The following REM1 variants were observed in gnomAD, a reference collection of about 807,000 sequenced individuals.
REM1 encodes GTP-binding protein REM 1.
In REM1, 20 loss-of-function variants were observed where a neutral mutation model predicts 27.0. The ratio of observed to expected loss-of-function variants is 0.74; its 90% CI spans 0.52 to 1.08. The LOEUF (loss-of-function observed/expected upper bound fraction) is 1.08, where lower values mean the gene tolerates loss of function less well. Ranked by LOEUF, REM1 falls within the 50% of genes least tolerant of loss-of-function variation. The probability of loss-of-function intolerance (pLI) is 0.00; values close to 1 mark genes in which losing one functional copy is unlikely to be tolerated. For synonymous variants in REM1, 159 were observed against 167.9 expected (o/e 0.95, Z 0.41); for missense variants, 405 against 407.0 (o/e 1.00, Z 0.04).
chr20:31,484,312 G>A lies in REM1; in HGVS notation c.779G>A (p.Arg260Gln), dbSNP rs1191002584. Residue 260 changes from arginine (R) to glutamine (Q), a missense_variant, in exon 5 of 5, where the codon CGG becomes CAG. Physicochemically the swap from Arg to Gln is conservative, Grantham distance 43. Transcript: ENST00000201979. ...GCCAAGGAACCCCCAGCACCCCGAC[G>A]GCCGGCCAGCCTAGCCCAGCGCGCT... is the stretch of plus-strand genomic sequence containing the variant. Reference protein sequence around the residue: ...SAAKEPPAPRRPASLAQRARR... With the variant: ...SAAKEPPAPRQPASLAQRARR... 1.3e-6 allele frequency: 2 copies of A among 1,577,426 alleles called. No individual in the cohort carries two copies. Among genetic ancestry groups the A allele is most frequent in the Non-Finnish European group, 1.7e-6 (2 of 1,162,712 alleles).
Position 31,476,801 on chromosome 20 carries a change from G to T in REM1, c.340+16G>T. ...CAGCTGGGAGGTAGGGGCCATATGG[G>T]CTGGGCTGGGATGTGGCCAAAGGAG... On this transcript the variant is annotated intron_variant, in intron 2 of 4. Transcript: ENST00000201979. 6.3e-7 allele frequency: 1 copy of T among 1,587,166 alleles called. No homozygotes were observed. Among genetic ancestry groups the T allele is most frequent in the Non-Finnish European group, 8.6e-7 (1 of 1,167,374 alleles).
Position 31,484,530 on chromosome 20 carries a change from C to T in REM1, c.*100C>T. ...AGGCGCCGTTACCTGGAGTCTGCAT[C>T]ATGGGTCTTGCTTGCCTGCTGCCCT... On this transcript the variant is annotated 3_prime_UTR_variant, in exon 5 of 5. Coordinates refer to ENST00000201979, the MANE Select transcript of REM1 (RefSeq NM_014012.6). The T allele has an allele frequency of 7.3e-7, 1 of 1,360,594 alleles. No homozygotes were observed. Among genetic ancestry groups the T allele is most frequent in the Non-Finnish European group, 9.6e-7 (1 of 1,037,734 alleles). 84.3% of individuals were successfully genotyped at this position (1,360,594 alleles called of 1,614,324 possible). A position where few individuals can be genotyped will look rare whatever the true frequency, so the allele number is the denominator to read the frequency against.
chr20:31,477,976 C>G (rs1435449557), intron 3 of REM1, 66 bp downstream of exon 3: 4 of 1,002,392 alleles, frequency 4.0e-6, no homozygotes, highest in Non-Finnish European at 6.2e-6. Context: ...CCTTCCTGTC[C>G]CCTCCTGGGG....
At chr20:31,478,124 A>G (rs1980591201) in intron 3 of REM1, among the ~76,000 whole-genome samples, 1 of 151,890 alleles carries the variant, frequency 6.6e-6, no homozygotes. Flanking sequence ...ATCCCCTCCT[A>G]GCAGCCATCT....
intron 4 of REM1, among the ~76,000 whole-genome samples, chr20:31,482,852 G>A (rs537734146): frequency 3.0e-4 from 46 of 152,296 alleles, no homozygotes; most frequent in Middle Eastern, 3.4e-3. Context: ...CCTGTATGTG[G>A]TGGGGCATGG....
chr20:31,482,766 T>A, intron 4 of REM1, among the ~76,000 whole-genome samples: 1 of 152,190 alleles, frequency 6.6e-6, no homozygotes, highest in East Asian at 1.9e-4. Context: ...CCAGTCCTCC[T>A]GCTTCTCAAT....
intron 3 of REM1, among the ~76,000 whole-genome samples, chr20:31,481,763 T>A (rs1210088351): frequency 6.6e-6 from 1 of 152,248 alleles, no homozygotes; most frequent in East Asian, 1.9e-4. Flanking sequence ...CTTGACTGTC[T>A]CATCCCCTTG....
At chr20:31,480,270 CAT>C (rs1568762934) in intron 3 of REM1, among the ~76,000 whole-genome samples, 59 of 138,380 alleles carry the variant, frequency 4.3e-4, no homozygotes, top group Middle Eastern at 3.8e-3. Context: ...TACATACATA[CAT>C]ACATACATAC....
chr20:31,476,633 C>G lies in REM1; in HGVS notation c.188C>G (p.Pro63Arg), dbSNP rs558649024. 2 of 1,614,182 alleles carry G rather than the reference C, an allele frequency of 1.2e-6. No homozygotes were observed. Among genetic ancestry groups the G allele is most frequent in the Admixed American group, 3.3e-5 (2 of 60,028 alleles). The part of the protein sequence containing the change: ...NPPTQKPSPA[P>R]DDWSSESSDS... ...CCCACCCAGAAACCTTCACCTGCCC[C>G]AGATGATTGGTCTTCTGAATCCAGC... is the stretch of plus-strand genomic sequence containing the variant. The change falls in exon 2 of 5, where the codon CCA (proline) becomes CGA (arginine). Residue 63 changes from proline (P) to arginine (R), a missense_variant. By Grantham distance (103) the Pro-to-Arg change is moderately radical. Transcript: ENST00000201979.
intron 3 of REM1, 91 bp downstream of exon 3, chr20:31,478,001 G>A: frequency 3.7e-6 from 3 of 808,380 alleles, no homozygotes; most frequent in Admixed American, 2.0e-5. Context: ...TACAGATCAG[G>A]TGTGAGCAAC....
intron 2 of REM1, 39 bp downstream of exon 2, chr20:31,476,824 G>T: frequency 1.3e-6 from 2 of 1,528,052 alleles, no homozygotes; most frequent in South Asian, 2.6e-5. Context: ...GTGGCCAAAG[G>T]AGCGAAAGCC....
At chr20:31,478,533 T>C (rs1479676023) in intron 3 of REM1, among the ~76,000 whole-genome samples, 1 of 152,200 alleles carries the variant, frequency 6.6e-6, no homozygotes, top group Non-Finnish European at 1.5e-5. Flanking sequence ...CAGGAATATG[T>C]CCCTATTATG....
rs1600582501 is a variant in REM1, at chr20:31,484,216, T to C, written c.683T>C (p.Leu228Pro). Reference sequence around the variant, plus strand: ...AAATTCATCGAGACATCCGCCACGCTGCAGCACAATGTGGCCGAGCTCTTC... The same window carrying C: ...AAATTCATCGAGACATCCGCCACGCCGCAGCACAATGTGGCCGAGCTCTTC... ...DCKFIETSAT[L>P]QHNVAELFEG... is the part of the protein sequence containing the mutation. Residue 228 changes from leucine (L) to proline (P), a missense_variant, in exon 5 of 5, where the codon CTG becomes CCG. Transcript: ENST00000201979. The C allele has an allele frequency of 1.9e-6, 3 of 1,610,010 alleles. No homozygotes were observed. The highest frequency in any genetic ancestry group is 2.5e-6 in the Non-Finnish European group (3 of 1,178,976).
At position 31,476,334 on chromosome 20, in the gene REM1, A is replaced by G; in HGVS notation, c.-112A>G. 1 of 854,606 alleles carries G rather than the reference A, an allele frequency of 1.2e-6. No individual in the cohort carries two copies. The highest frequency in any genetic ancestry group is 1.9e-6 in the Non-Finnish European group (1 of 536,560). The allele number at this position is 854,606 out of a possible 1,614,324, so 52.9% of individuals were successfully genotyped here. A position where few individuals can be genotyped will look rare whatever the true frequency, so the allele number is the denominator to read the frequency against. On this transcript the variant is annotated 5_prime_UTR_variant, in exon 2 of 5. Coordinates refer to ENST00000201979, the MANE Select transcript of REM1 (RefSeq NM_014012.6). ...GAGGGGGATCTGGAAGAAGCCATAC[A>G]GCAGCTCATCAGGACACTATAGAAA...
Position 31,476,479 on chromosome 20 carries a change from C to T in REM1, c.34C>T (p.Pro12Ser). 6.2e-7 allele frequency: 1 copy of T among 1,610,386 alleles called. No homozygotes were observed. The highest frequency in any genetic ancestry group is 1.7e-5 in the Admixed American group (1 of 59,524). The change falls in exon 2 of 5, where the codon CCT becomes TCT. Residue 12 changes from proline to serine, a missense_variant. By Grantham distance (74) the Pro-to-Ser change is moderately conservative. Transcript: ENST00000201979. ...TLNTEQEAKT[P>S]LHRRASTPLP... Reference sequence around the variant, plus strand: ...CAACACCGAGCAGGAAGCAAAGACCCCTCTGCACCGGCGAGCCAGCACCCC... The same window carrying T: ...CAACACCGAGCAGGAAGCAAAGACCTCTCTGCACCGGCGAGCCAGCACCCC...
intron 2 of REM1, among the ~76,000 whole-genome samples, chr20:31,477,539 C>T (rs996016570): frequency 2.0e-5 from 3 of 152,188 alleles, no homozygotes. Context: ...GAAGCACTCA[C>T]TAAATCAGAG....
chr20:31,476,303 G>A lies in REM1; in HGVS notation c.-143G>A, dbSNP rs1240060490. The stretch of plus-strand genomic sequence containing the variant: ...GCTGAGGCACCTCCTACTCCCATCT[G>A]AACAAGAGGGGGATCTGGAAGAAGC... On this transcript the variant is annotated 5_prime_UTR_variant, in exon 2 of 5. Transcript: ENST00000201979. The A allele has an allele frequency of 1.4e-6, 1 of 698,662 alleles. No individual in the cohort carries two copies. The highest frequency in any genetic ancestry group is 2.4e-6 in the Non-Finnish European group (1 of 413,474). The allele number at this position is 698,662 out of a possible 1,614,324, so 43.3% of individuals were successfully genotyped here. A position where few individuals can be genotyped will look rare whatever the true frequency, so the allele number is the denominator to read the frequency against.
At chr20:31,478,067 C>T (rs1449787498) in intron 3 of REM1, among the ~76,000 whole-genome samples, 157 bp downstream of exon 3, 2 of 152,082 alleles carry the variant, frequency 1.3e-5, no homozygotes, top group Non-Finnish European at 2.9e-5. Context: ...TCTTTCCAAT[C>T]CCAAACAGAA....
intron 3 of REM1, among the ~76,000 whole-genome samples, chr20:31,478,958 C>T (rs908875917): frequency 1.3e-5 from 2 of 152,126 alleles, no homozygotes; most frequent in Non-Finnish European, 2.9e-5. Context: ...CCTCAGCCTC[C>T]CAAGTAGCTA....
Sources: allele counts gnomAD v4.1 joint callset (sites outside exome capture counted in the v4.1 genomes callset), GRCh38; gene constraint gnomAD v4.1.1; transcripts MANE v1.5; gene names NCBI Gene and HGNC (gene_info 2026-07-23, HGNC 2026-07-21).